The following RTTN variants were observed in gnomAD, a reference collection of about 807,000 sequenced individuals.
RTTN encodes rotatin.
A neutral mutation model predicts 269.2 loss-of-function variants in RTTN; 182 were observed. The ratio of observed to expected loss-of-function variants is 0.68; its 90% CI spans 0.60 to 0.76. The LOEUF (loss-of-function observed/expected upper bound fraction) is 0.76, where lower values mean the gene tolerates loss of function less well. Ranked by LOEUF, RTTN falls within the 30% of genes least tolerant of loss-of-function variation. The pLI, the probability that RTTN is intolerant of heterozygous loss-of-function variation, is 0.00. For synonymous variants in RTTN, 1,006 were observed against 963.5 expected, an observed-to-expected ratio of 1.04 and a Z score of -0.82; for missense variants, 2,545 against 2,608.6, an observed-to-expected ratio of 0.98 and a Z score of 0.53.
intron 26 of RTTN, 130 bp from the exon 27 acceptor site, chr18:70,114,729 G>T: frequency 1.9e-6 from 1 of 521,316 alleles, no homozygotes; most frequent in Non-Finnish European, 3.2e-6. Context: ...GGCCTTTACT[G>T]CATTAGTAGA....
chr18:70,095,345 T>C (rs1173044331), intron 28 of RTTN, among the ~76,000 whole-genome samples: 2 of 152,322 alleles, frequency 1.3e-5, no homozygotes, highest in Non-Finnish European at 2.9e-5. Context: ...GTCATTACGA[T>C]GTTAGCTGGT....
chr18:70,104,410 T>C (rs2059264447), intron 28 of RTTN, among the ~76,000 whole-genome samples: 1 of 152,200 alleles, frequency 6.6e-6, no homozygotes, highest in South Asian at 2.1e-4. Flanking sequence ...TCAAGGTTTT[T>C]AGCTTCTTTG....
chr18:70,151,399 G>A (rs907713574), intron 14 of RTTN, among the ~76,000 whole-genome samples: 1 of 151,648 alleles, frequency 6.6e-6, no homozygotes, highest in East Asian at 1.9e-4. Context: ...GCTATTTAAG[G>A]TGAGAGGGGA....
chr18:70,099,101 A>G (rs946300865), intron 28 of RTTN, among the ~76,000 whole-genome samples: 4 of 152,188 alleles, frequency 2.6e-5, no homozygotes, highest in Admixed American at 1.3e-4. Context: ...TCCTTTGGGT[A>G]TATACCCAGT....
intron 3 of RTTN, 39 bp downstream of exon 3, chr18:70,204,046 GA>G (rs1206508730): frequency 2.1e-6 from 3 of 1,408,884 alleles, no homozygotes; most frequent in Non-Finnish European, 2.9e-6. Flanking sequence ...TTTACCATTA[GA>G]ATTAATATAT....
intron 4 of RTTN, among the ~76,000 whole-genome samples, chr18:70,200,730 T>C (rs971214883): frequency 1.3e-5 from 2 of 152,244 alleles, no homozygotes; most frequent in Non-Finnish European, 1.5e-5. Context: ...AACTTAACTG[T>C]GCAGGCAAGA....
At chr18:70,077,455 C>T (rs2145093462) in intron 32 of RTTN, among the ~76,000 whole-genome samples, 1 of 152,058 alleles carries the variant, frequency 6.6e-6, no homozygotes, top group East Asian at 1.9e-4. Context: ...GGCTGATGGC[C>T]ATACCAACTG....
chr18:70,156,146 G>C (rs2060669614), intron 14 of RTTN, among the ~76,000 whole-genome samples: 1 of 152,178 alleles, frequency 6.6e-6, no homozygotes, highest in Admixed American at 6.5e-5. Flanking sequence ...CGGTGAGCCG[G>C]GTGGAACAGA....
At chr18:70,129,165 T>A (rs1021523957) in intron 23 of RTTN, 3 of 152,106 alleles carry the variant, frequency 2.0e-5, no homozygotes, top group Non-Finnish European at 4.4e-5. Context: ...AATTTTGTTC[T>A]ACCGTAAAGA....
intron 32 of RTTN, among the ~76,000 whole-genome samples, chr18:70,081,897 A>G (rs1422503357): frequency 6.6e-6 from 1 of 152,092 alleles, no homozygotes; most frequent in Non-Finnish European, 1.5e-5. Context: ...TAGGAAATCC[A>G]CACTTAAGTG....
intron 23 of RTTN, among the ~76,000 whole-genome samples, chr18:70,134,201 T>C (rs2060066239): frequency 6.6e-6 from 1 of 152,028 alleles, no homozygotes. Context: ...GACTCATATG[T>C]AAATAATTGA....
At chr18:70,161,445 C>T (rs1036186090) in intron 14 of RTTN, among the ~76,000 whole-genome samples, 8 of 151,950 alleles carry the variant, frequency 5.3e-5, no homozygotes, top group African/African-American at 1.2e-4. Flanking sequence ...ATGATGAAGT[C>T]TCCAAAAAAA....
intron 34 of RTTN, among the ~76,000 whole-genome samples, chr18:70,068,459 T>C (rs1442695110): frequency 6.6e-6 from 1 of 152,192 alleles, no homozygotes; most frequent in Non-Finnish European, 1.5e-5. Flanking sequence ...GAGGAAGTCC[T>C]CAGACGTACC....
At chr18:70,088,328 T>C (rs532205798) in intron 30 of RTTN, among the ~76,000 whole-genome samples, 181 bp from the exon 31 acceptor site, 2 of 152,202 alleles carry the variant, frequency 1.3e-5, no homozygotes, top group South Asian at 2.1e-4. Flanking sequence ...AAAGCAGTAA[T>C]ATAGGAAAAA....
At chr18:70,151,234 T>C (rs564978373) in intron 14 of RTTN, among the ~76,000 whole-genome samples, 1 of 148,272 alleles carries the variant, frequency 6.7e-6, no homozygotes, top group South Asian at 2.1e-4. Context: ...TTATGCTACA[T>C]ATTTATGTCC....
At chr18:70,190,496 G>T in intron 9 of RTTN, 42 bp downstream of exon 9, 1 of 1,474,360 alleles carries the variant, frequency 6.8e-7, no homozygotes, top group Non-Finnish European at 9.4e-7. Flanking sequence ...ATACAAAACA[G>T]ACACAAATTA....
intron 5 of RTTN, among the ~76,000 whole-genome samples, chr18:70,198,390 T>C (rs2061864348): frequency 6.6e-6 from 1 of 152,174 alleles, no homozygotes; most frequent in African/African-American, 2.4e-5. Flanking sequence ...AACTGAGAGA[T>C]CATACAACCT....
chr18:70,095,826 T>C (rs772417881), intron 28 of RTTN, among the ~76,000 whole-genome samples: 2 of 152,164 alleles, frequency 1.3e-5, no homozygotes, highest in Non-Finnish European at 2.9e-5. Flanking sequence ...ATTTCCTGAA[T>C]TGGAATGCTG....
At chr18:70,132,200 G>A (rs1318644429) in intron 23 of RTTN, among the ~76,000 whole-genome samples, 2 of 151,990 alleles carry the variant, frequency 1.3e-5, no homozygotes, top group South Asian at 2.1e-4. Context: ...ATGTCATAGT[G>A]GAGATTTTAA....
Sources: allele counts gnomAD v4.1 joint callset (sites outside exome capture counted in the v4.1 genomes callset), GRCh38; gene constraint gnomAD v4.1.1; transcripts MANE v1.5; gene names NCBI Gene and HGNC (gene_info 2026-07-23, HGNC 2026-07-21).